FREM1: variants seen among roughly 807,000 people sequenced by gnomAD.
FREM1 encodes the protein FRAS1 related extracellular matrix 1.
Under a neutral mutation model 210.1 loss-of-function variants are expected in FREM1, and 220 were observed. That is an observed-to-expected ratio of 1.05 (90% CI 0.94 to 1.17). The LOEUF is 1.17. FREM1 is among the 50% of genes most tolerant of loss of function. The pLI, the probability that FREM1 is intolerant of heterozygous loss-of-function variation, is 0.00. For synonymous variants in FREM1, 1,189 were observed against 980.2 expected (o/e 1.21, Z -3.98); for missense variants, 3,454 against 2,675.5 (o/e 1.29, Z -6.42).
rs533579624 is a variant in FREM1 at position 14,828,798 on chromosome 9, TG to T, written c.1882-3807del. Among the ~76,000 whole-genome samples, 695 of 152,318 alleles carry T rather than the reference TG, an allele frequency of 4.6e-3. 5 individuals are homozygous for T. The highest frequency in any genetic ancestry group is 7.9e-3 in the Non-Finnish European group (536 of 68,030). ...AACTAGCATACTTATTCTAATGTTT[TG>T]TATTGTTAGTTTACAAATGAGTCTC... is the stretch of plus-strand genomic sequence containing the variant. On this transcript the variant is annotated intron_variant, in intron 10 of 36. Transcript: ENST00000380880.
chr9:14,793,944 G>C (rs900519803), intron 21 of FREM1, among the ~76,000 whole-genome samples: 1 of 152,208 alleles, frequency 6.6e-6, no homozygotes, highest in Non-Finnish European at 1.5e-5. Context: ...ATTCCAGAAA[G>C]CTAAGCAATC....
chr9:14,897,412 C>CG (rs991899578), intron 1 of FREM1, among the ~76,000 whole-genome samples: 3 of 151,924 alleles, frequency 2.0e-5, no homozygotes, highest in African/African-American at 7.3e-5. Context: ...GATGAGGAAA[C>CG]GGGGGCCCAA....
intron 19 of FREM1, among the ~76,000 whole-genome samples, chr9:14,802,464 G>T (rs58106195): frequency 6.6e-6 from 1 of 152,078 alleles, no homozygotes; most frequent in Non-Finnish European, 1.5e-5. Flanking sequence ...TTCATAATGG[G>T]TCCCTCATCT....
At chr9:14,750,723 T>C (rs796362876) in intron 29 of FREM1, among the ~76,000 whole-genome samples, 65 of 152,096 alleles carry the variant, frequency 4.3e-4, no homozygotes, top group African/African-American at 1.5e-3. Context: ...ATGATTGATT[T>C]CTTAATCATT....
chr9:14,876,410 C>T (rs866663555), intron 1 of FREM1, among the ~76,000 whole-genome samples: 5 of 152,086 alleles, frequency 3.3e-5, no homozygotes, highest in African/African-American at 4.8e-5. Flanking sequence ...GCCTCGCTGC[C>T]GCCTTGCAGT....
chr9:14,863,470 C>T (rs1265646449), intron 3 of FREM1, among the ~76,000 whole-genome samples: 1 of 151,968 alleles, frequency 6.6e-6, no homozygotes, highest in African/African-American at 2.4e-5. Flanking sequence ...TATTTTCTCC[C>T]TGATTTTCAT....
intron 1 of FREM1, among the ~76,000 whole-genome samples, chr9:14,879,236 T>C (rs911837779): frequency 2.6e-5 from 4 of 151,836 alleles, no homozygotes; most frequent in Admixed American, 6.6e-5. Context: ...ATTCCGTTAC[T>C]GAGAATCTGT....
intron 22 of FREM1, 75 bp from the exon 23 acceptor site, chr9:14,789,189 G>T: frequency 1.0e-6 from 1 of 961,188 alleles, no homozygotes; most frequent in Non-Finnish European, 1.5e-6. Context: ...GACATTTTCT[G>T]TATCCCCTAA....
At chr9:14,871,607 C>G (rs980491364) in intron 1 of FREM1, among the ~76,000 whole-genome samples, 3 of 152,200 alleles carry the variant, frequency 2.0e-5, no homozygotes, top group Admixed American at 1.3e-4. Context: ...TATAGGTTGC[C>G]TGTTCACTCT....
chr9:14,833,294 G>C (rs1159936155), intron 10 of FREM1, among the ~76,000 whole-genome samples: 1 of 152,300 alleles, frequency 6.6e-6, no homozygotes, highest in African/African-American at 2.4e-5. Flanking sequence ...CTTGTGGCTA[G>C]TTTCTTGGTC....
intron 22 of FREM1, among the ~76,000 whole-genome samples, chr9:14,789,406 T>C (rs755780475): frequency 3.9e-5 from 6 of 152,194 alleles, no homozygotes; most frequent in African/African-American, 4.8e-5. Context: ...CCATAGCTGA[T>C]TGAATATTCC....
intron 2 of FREM1, among the ~76,000 whole-genome samples, chr9:14,865,073 T>G (rs1831261959): frequency 5.3e-5 from 8 of 152,216 alleles, no homozygotes; most frequent in Admixed American, 5.2e-4. Context: ...AGCTAAATCC[T>G]TTTCTAATTA....
intron 24 of FREM1, among the ~76,000 whole-genome samples, chr9:14,782,729 T>C (rs919584322): frequency 1.3e-5 from 2 of 152,088 alleles, no homozygotes. Flanking sequence ...ACAGTAAGAG[T>C]AGTAGCTAAC....
intron 14 of FREM1, among the ~76,000 whole-genome samples, chr9:14,817,126 G>T (rs1488134826): frequency 6.6e-6 from 1 of 152,186 alleles, no homozygotes; most frequent in Non-Finnish European, 1.5e-5. Flanking sequence ...TTAAAAAGCA[G>T]CCCTTCAAAT....
intron 2 of FREM1, among the ~76,000 whole-genome samples, chr9:14,867,414 G>A (rs1831729509): frequency 6.6e-6 from 1 of 152,206 alleles, no homozygotes; most frequent in Non-Finnish European, 1.5e-5. Flanking sequence ...AGCCATTGTT[G>A]AATTCTAACA....
chr9:14,870,465 T>C (rs1323108324), intron 1 of FREM1, among the ~76,000 whole-genome samples: 2 of 152,162 alleles, frequency 1.3e-5, no homozygotes, highest in Non-Finnish European at 2.9e-5. Context: ...TCTGGTTGTT[T>C]TGTTTTTTGT....
At chr9:14,784,267 T>A in intron 24 of FREM1, 103 bp downstream of exon 24, 1 of 1,012,820 alleles carries the variant, frequency 9.9e-7, no homozygotes, top group Non-Finnish European at 1.4e-6. Flanking sequence ...ATAAGATACA[T>A]GTATTTTGTG....
chr9:14,851,456 G>C lies in FREM1; in HGVS notation c.980C>G (p.Thr327Ser), dbSNP rs771606583. 3 of 1,613,868 alleles carry C rather than the reference G, an allele frequency of 1.9e-6. No homozygotes were observed. Among genetic ancestry groups the C allele is most frequent in the Non-Finnish European group, 2.5e-6 (3 of 1,179,896 alleles). ...TSVLDCEEDE[T>S]PKPLLVFNIT... ...GTTGAACACCAGCAAGGGTTTAGGG[G>C]TCTCATCTTCTTCACAGTCCAGAAC... The change falls in exon 6 of 37, where the codon ACC (threonine) becomes AGC (serine). Residue 327 changes from threonine to serine, a missense_variant. Transcript: ENST00000380880.
intron 6 of FREM1, 26 bp from the exon 7 acceptor site, chr9:14,848,799 C>A (rs376573631): frequency 2.2e-6 from 3 of 1,391,424 alleles, no homozygotes; most frequent in Non-Finnish European, 3.1e-6. Context: ...GGCAAAGGAG[C>A]CACACACTGA....
Sources: gnomAD v4.1 joint callset for allele counts (sites outside exome capture counted in the v4.1 genomes callset) on GRCh38, gnomAD v4.1.1 for gene constraint, MANE v1.5 for transcripts, NCBI Gene and HGNC (gene_info 2026-07-23, HGNC 2026-07-21) for gene names.